Variants in OSBPL6 observed in about 807,000 individuals in gnomAD.
The protein encoded by OSBPL6 is oxysterol binding protein like 6.
A neutral mutation model predicts 125.8 loss-of-function variants in OSBPL6; 49 were observed. The ratio of observed to expected loss-of-function variants is 0.39; its 90% CI spans 0.31 to 0.49. The LOEUF (loss-of-function observed/expected upper bound fraction) is 0.49. OSBPL6 is among the 20% of genes least tolerant of loss of function. OSBPL6 has a pLI of 0.88. For missense variants in OSBPL6, 986 were observed against 1,135.4 expected, an observed-to-expected ratio of 0.87 and a Z score of 1.89; for synonymous variants, 394 against 391.8, an observed-to-expected ratio of 1.01 and a Z score of -0.07.
In OSBPL6 at chr2:178,383,064, G is replaced by A. The variant is rs141194597; in HGVS notation, c.1662G>A (p.Gly554=). The A allele has an allele frequency of 2.3e-4, 365 of 1,614,146 alleles. No individual in the cohort carries two copies. The highest frequency in any genetic ancestry group is 3.0e-4 in the Non-Finnish European group (357 of 1,180,016). ...GELTGGAFRN[G]RRACLPAPCP... is the part of the protein sequence containing the mutation. Reference sequence around the variant, plus strand: ...TTACAGGAGGGGCCTTCCGAAATGGGCGTCGAGCATGCCTGCCAGCTCCTT... The same window carrying A: ...TTACAGGAGGGGCCTTCCGAAATGGACGTCGAGCATGCCTGCCAGCTCCTT... The change falls in exon 17 of 25, where the codon GGG becomes GGA. Residue 554 remains glycine, a synonymous_variant. Transcript: ENST00000190611.
chr2:178,199,867 CT>C (rs1457223253), intron 1 of OSBPL6, among the ~76,000 whole-genome samples: 1 of 152,158 alleles, frequency 6.6e-6, no homozygotes, highest in Non-Finnish European at 1.5e-5. Flanking sequence ...ATACTTTAAG[CT>C]TTTTCCCTTT....
Position 178,328,389 on chromosome 2 carries a change from T to A in OSBPL6, c.318+11T>A. The A allele has an allele frequency of 6.2e-7, 1 of 1,611,288 alleles. No homozygotes were observed. The highest frequency in any genetic ancestry group is 1.1e-5 in the South Asian group (1 of 90,306). On this transcript the variant is annotated intron_variant, in intron 5 of 24. Transcript: ENST00000190611. ...AAAGGCTGGCACAAGGTAACATTTT[T>A]ATCATATTCAGGTTCAGACCATCTT...
intron 3 of OSBPL6, among the ~76,000 whole-genome samples, chr2:178,314,178 G>A (rs1406851935): frequency 6.6e-6 from 1 of 152,148 alleles, no homozygotes; most frequent in Non-Finnish European, 1.5e-5. Context: ...AATAGGAAAT[G>A]GATTTCCTTG....
At chr2:178,242,353 G>C (rs333997) in intron 1 of OSBPL6, among the ~76,000 whole-genome samples, 97,032 of 152,060 alleles carry the variant, frequency 0.64, 33,182 homozygotes, top group African/African-American at 0.9. Flanking sequence ...TTGTCTAGCT[G>C]AGCAGCCTAC....
chr2:178,272,597 G>C (rs1364790632), intron 1 of OSBPL6, among the ~76,000 whole-genome samples: 1 of 152,120 alleles, frequency 6.6e-6, no homozygotes, highest in Non-Finnish European at 1.5e-5. Flanking sequence ...CAGATCACTA[G>C]TCGGTAAATG....
intron 12 of OSBPL6, among the ~76,000 whole-genome samples, chr2:178,352,225 T>A (rs183762621): frequency 6.6e-6 from 1 of 152,256 alleles, no homozygotes; most frequent in Non-Finnish European, 1.5e-5. Flanking sequence ...GTTCATCTCA[T>A]TGGGACTGGT....
At chr2:178,337,436 T>C (rs1689787021) in intron 9 of OSBPL6, among the ~76,000 whole-genome samples, 1 of 152,208 alleles carries the variant, frequency 6.6e-6, no homozygotes, top group South Asian at 2.1e-4. Flanking sequence ...CCTTCTGAGA[T>C]ACTCACATCC....
At chr2:178,379,968 A>C (rs76932890) in intron 15 of OSBPL6, among the ~76,000 whole-genome samples, 2,783 of 152,332 alleles carry the variant, frequency 0.018, 66 homozygotes, top group African/African-American at 0.058. Context: ...ATTAGCAATA[A>C]ATCCAGAAAC....
chr2:178,232,325 C>T (rs2090866092), intron 1 of OSBPL6, among the ~76,000 whole-genome samples: 1 of 151,884 alleles, frequency 6.6e-6, no homozygotes, highest in African/African-American at 2.4e-5. Context: ...TCATGAGTAC[C>T]TTGACTTCCA....
chr2:178,243,096 C>G (rs2091354462), intron 1 of OSBPL6, among the ~76,000 whole-genome samples: 1 of 152,136 alleles, frequency 6.6e-6, no homozygotes, highest in East Asian at 1.9e-4. Context: ...CGGTTGATAG[C>G]AGACTTCTGT....
chr2:178,322,093 A>G (rs1396089394), intron 3 of OSBPL6, among the ~76,000 whole-genome samples: 1 of 152,206 alleles, frequency 6.6e-6, no homozygotes. Context: ...TCACACTTCA[A>G]ATATACCACA....
chr2:178,260,584 G>A (rs1408172154), intron 1 of OSBPL6, among the ~76,000 whole-genome samples: 2 of 152,152 alleles, frequency 1.3e-5, no homozygotes, highest in African/African-American at 4.8e-5. Flanking sequence ...ATGGGCACAA[G>A]GGGTGGTGAT....
At chr2:178,322,524 A>T (rs957617484) in intron 3 of OSBPL6, among the ~76,000 whole-genome samples, 3 of 152,176 alleles carry the variant, frequency 2.0e-5, no homozygotes, top group Admixed American at 6.5e-5. Flanking sequence ...TGGCCCTGTC[A>T]TCTGTGCCTG....
rs1255470156 is a variant in OSBPL6, at chr2:178,379,503, AAAG to A, written c.1534-2914_1534-2912del. Among the ~76,000 whole-genome samples, 10 of 152,270 alleles carry A rather than the reference AAAG, an allele frequency of 6.6e-5. No homozygotes were observed. In the East Asian group the frequency reaches 1.5e-3, roughly 24 times the overall value. On this transcript the variant is annotated intron_variant, in intron 15 of 24. Transcript: ENST00000190611. ...ACAGAAAAGGAAAGAAGAGAGAAGA[AAAG>A]AAATCGAGGAAGAATAGACTTTATA...
At chr2:178,382,671 T>C (rs1426528059) in intron 16 of OSBPL6, 164 bp downstream of exon 16, 1 of 1,473,378 alleles carries the variant, frequency 6.8e-7, no homozygotes, top group South Asian at 1.4e-5. Flanking sequence ...TCTCTTGAGG[T>C]AAATGGTTGA....
At position 178,297,155 on chromosome 2, in the gene OSBPL6, C is replaced by CTT. The variant is rs201062716; in HGVS notation, c.-155-8867_-155-8866dup. On this transcript the variant is annotated intron_variant, in intron 2 of 24. Coordinates refer to ENST00000190611, the MANE Select transcript of OSBPL6 (RefSeq NM_032523.4). Reference sequence around the variant, plus strand: ...TAGTACTGTTAGCAGTCTGGCAGGCCTTTTTTTTTAGGACAACTGAGAGAT... The same window carrying CTT: ...TAGTACTGTTAGCAGTCTGGCAGGCCTTTTTTTTTTTAGGACAACTGAGAGAT... 4.0e-5 allele frequency among the ~76,000 whole-genome samples: 6 copies of CTT among 150,756 alleles called. No homozygotes were observed. In the South Asian group the frequency reaches 8.4e-4, roughly 21 times the overall value.
At chr2:178,388,175 A>G (rs1356450536) in intron 20 of OSBPL6, among the ~76,000 whole-genome samples, 2 of 152,212 alleles carry the variant, frequency 1.3e-5, no homozygotes, top group African/African-American at 4.8e-5. Flanking sequence ...ATTTGAAGCT[A>G]TATCATTTCA....
Position 178,304,439 on chromosome 2 carries a change from G to A in OSBPL6, c.-155-1591G>A, listed in dbSNP as rs1295087062. 3.9e-5 allele frequency among the ~76,000 whole-genome samples: 6 copies of A among 152,224 alleles called. No homozygotes were observed. The South Asian group carries it at 1.0e-3, about 26-fold the overall frequency. ...GAGAAAGCCCCTTACAAAACCATCA[G>A]GTCTGACCTCTCATGAGGACAGGAT... On this transcript the variant is annotated intron_variant, in intron 2 of 24. Transcript: ENST00000190611.
chr2:178,363,163 G>A (rs1692507891), intron 13 of OSBPL6, among the ~76,000 whole-genome samples: 1 of 152,152 alleles, frequency 6.6e-6, no homozygotes, highest in Non-Finnish European at 1.5e-5. Flanking sequence ...TAGAAGTCAA[G>A]CTTTACTAAG....
Sources: gnomAD v4.1 joint callset for allele counts (sites outside exome capture counted in the v4.1 genomes callset) on GRCh38, gnomAD v4.1.1 for gene constraint, MANE v1.5 for transcripts, NCBI Gene and HGNC (gene_info 2026-07-23, HGNC 2026-07-21) for gene names.